The following EBF2 variants were observed in gnomAD, a reference collection of about 807,000 sequenced individuals.
The protein encoded by EBF2 is transcription factor COE2.
EBF2 carries 21 observed loss-of-function variants against 72.8 expected under a neutral mutation model. That is an observed-to-expected ratio of 0.29 (90% CI 0.20 to 0.42). EBF2 has a LOEUF of 0.42. EBF2 is among the 10% of genes least tolerant of loss of function. EBF2 has a pLI of 1.00. For synonymous variants in EBF2, 299 were observed against 274.2 expected, an observed-to-expected ratio of 1.09 and a Z score of -0.89; for missense variants, 637 against 731.2, an observed-to-expected ratio of 0.87 and a Z score of 1.49.
chr8:26,029,666 G>T (rs1398575414), intron 6 of EBF2, among the ~76,000 whole-genome samples: 1 of 152,200 alleles, frequency 6.6e-6, no homozygotes, highest in African/African-American at 2.4e-5. Flanking sequence ...ACTGCATCTG[G>T]TAAGGTTAGG....
At chr8:26,041,298 T>G (rs968953957) in intron 2 of EBF2, 4 of 466,438 alleles carry the variant, frequency 8.6e-6, no homozygotes, top group African/African-American at 7.9e-5. Flanking sequence ...CAAAGCTGCC[T>G]TTAAACAGGC....
intron 15 of EBF2, among the ~76,000 whole-genome samples, chr8:25,847,612 G>T (rs1801865475): frequency 6.6e-6 from 1 of 152,094 alleles, no homozygotes; most frequent in African/African-American, 2.4e-5. Context: ...AACCACCTTT[G>T]GGGATAGCTG....
At chr8:26,023,464 C>T (rs966931137) in intron 6 of EBF2, among the ~76,000 whole-genome samples, 50 of 152,194 alleles carry the variant, frequency 3.3e-4, no homozygotes, top group Admixed American at 3.3e-4. Context: ...TAACCACGTC[C>T]ATCCAGTTGG....
intron 6 of EBF2, among the ~76,000 whole-genome samples, chr8:25,971,454 C>T (rs1029230579): frequency 1.3e-5 from 2 of 152,022 alleles, no homozygotes; most frequent in African/African-American, 2.4e-5. Flanking sequence ...ACCCCGCCCC[C>T]GAAAAAAAGA....
chr8:25,909,590 C>T (rs2117314608), intron 6 of EBF2, among the ~76,000 whole-genome samples: 1 of 152,236 alleles, frequency 6.6e-6, no homozygotes, highest in East Asian at 1.9e-4. Context: ...GATTTACAAA[C>T]AAAAATAAGT....
intron 6 of EBF2, among the ~76,000 whole-genome samples, chr8:25,983,488 G>T (rs777463589): frequency 5.3e-5 from 8 of 152,102 alleles, no homozygotes; most frequent in Non-Finnish European, 8.8e-5. Flanking sequence ...CTGACTCCAG[G>T]CTCAGCGCTG....
Position 26,033,385 on chromosome 8 carries a change from G to A in EBF2, c.483-232C>T, listed in dbSNP as rs142265620. ...ACTGGGACTACAGGTGTGTGCCACC[G>A]CGCCCAGCTAATTTCTGTATTTTTA... On this transcript the variant is annotated intron_variant, in intron 5 of 15. Transcript: ENST00000520164. Among the ~76,000 whole-genome samples, 205 of 152,132 alleles carry A rather than the reference G, an allele frequency of 1.3e-3. 1 individual carries two copies. The highest frequency in any genetic ancestry group is 4.7e-3 in the African/African-American group (196 of 41,490).
At chr8:25,975,535 C>T (rs1046812070) in intron 6 of EBF2, among the ~76,000 whole-genome samples, 1 of 152,142 alleles carries the variant, frequency 6.6e-6, no homozygotes, top group Non-Finnish European at 1.5e-5. Context: ...TATTAATATG[C>T]TGATCATATA....
chr8:25,962,062 A>G lies in EBF2; in HGVS notation c.552-53507T>C, dbSNP rs537551531. 1.2e-4 allele frequency among the ~76,000 whole-genome samples: 19 copies of G among 152,280 alleles called. No homozygotes were observed. In the East Asian group the frequency reaches 3.7e-3, roughly 29 times the overall value. On this transcript the variant is annotated intron_variant, in intron 6 of 15. Coordinates refer to ENST00000520164, the MANE Select transcript of EBF2 (RefSeq NM_022659.4). The stretch of plus-strand genomic sequence containing the variant: ...AGAGTAGCCTAATTTAAACACAAAT[A>G]ACAAGGAGGGGGCCAGGGAGGAACG...
At chr8:25,904,340 G>A (rs1563395305) in intron 7 of EBF2, among the ~76,000 whole-genome samples, 2 of 151,564 alleles carry the variant, frequency 1.3e-5, no homozygotes, top group Admixed American at 1.3e-4. Flanking sequence ...AAATTAAAGA[G>A]AGGATTGGTT....
intron 6 of EBF2, among the ~76,000 whole-genome samples, chr8:25,934,265 ACACACACAC>A (rs891797779): frequency 6.9e-6 from 1 of 144,186 alleles, no homozygotes; most frequent in African/African-American, 2.6e-5. Flanking sequence ...ACACACACAC[ACACACACAC>A]ACCAATCTTG....
At chr8:25,989,824 G>A (rs1804517103) in intron 6 of EBF2, among the ~76,000 whole-genome samples, 1 of 152,208 alleles carries the variant, frequency 6.6e-6, no homozygotes, top group Non-Finnish European at 1.5e-5. Flanking sequence ...ACTCACCAGT[G>A]AGTAAACATC....
rs567838726 is a variant in EBF2 at position 26,044,654 on chromosome 8, G to C, written c.131+75C>G. The C allele has an allele frequency of 1.4e-3, 2,194 of 1,532,574 alleles. 1 individual carries two copies. Among genetic ancestry groups the C allele is most frequent in the Non-Finnish European group, 1.8e-3 (2,001 of 1,137,620 alleles). 94.9% of individuals were successfully genotyped at this position (1,532,574 alleles called of 1,614,324 possible). The stretch of plus-strand genomic sequence containing the variant: ...AGGGAGAGAGAAAGGCACGGGGTGC[G>C]CGGGGGGGGTGCACACGGAGAGACA... On this transcript the variant is annotated intron_variant, in intron 1 of 15. Transcript: ENST00000520164. The surrounding 1 kb of genome is among the most constrained non-coding windows in gnomAD (Gnocchi z 4.1).
intron 15 of EBF2, among the ~76,000 whole-genome samples, chr8:25,849,079 A>G (rs1801904448): frequency 6.6e-6 from 1 of 152,224 alleles, no homozygotes; most frequent in East Asian, 1.9e-4. Context: ...CTATTTCTCT[A>G]GGAATTAGAC....
intron 6 of EBF2, among the ~76,000 whole-genome samples, chr8:25,937,951 T>C (rs905115573): frequency 6.6e-6 from 1 of 151,548 alleles, no homozygotes; most frequent in Non-Finnish European, 1.5e-5. Context: ...CTACAGAGTG[T>C]GGGGGTGAAA....
At chr8:25,888,055 A>G in intron 8 of EBF2, 83 bp from the exon 9 acceptor site, 2 of 1,479,616 alleles carry the variant, frequency 1.4e-6, no homozygotes, top group South Asian at 2.7e-5. Flanking sequence ...CATTGGAAGA[A>G]GAATTGTCTT....
intron 10 of EBF2, 86 bp from the exon 11 acceptor site, chr8:25,862,883 G>T: frequency 1.1e-6 from 1 of 901,774 alleles, no homozygotes; most frequent in Non-Finnish European, 1.6e-6. Flanking sequence ...TAATAAGAAG[G>T]TTCTGGATGC....
intron 14 of EBF2, among the ~76,000 whole-genome samples, chr8:25,857,807 AT>A (rs1442371187): frequency 6.6e-6 from 1 of 152,172 alleles, no homozygotes; most frequent in African/African-American, 2.4e-5. Context: ...AAAAAGCAGC[AT>A]GGTGTGATAC....
intron 7 of EBF2, among the ~76,000 whole-genome samples, chr8:25,906,498 G>C (rs1022522583): frequency 2.0e-5 from 3 of 152,148 alleles, no homozygotes; most frequent in Non-Finnish European, 4.4e-5. Context: ...CAGAAGCGGT[G>C]GCTCACACCT....
Sources: gnomAD v4.1 joint callset for allele counts (sites outside exome capture counted in the v4.1 genomes callset) on GRCh38, gnomAD v4.1.1 for gene constraint, Gnocchi (gnomAD v3.1) non-coding constraint, MANE v1.5 for transcripts, NCBI Gene and HGNC (gene_info 2026-07-23, HGNC 2026-07-21) for gene names.